The following RFC1 variants were observed in gnomAD, a reference collection of about 807,000 sequenced individuals.
RFC1 encodes A1 140 kDa subunit.
RFC1 carries 37 observed loss-of-function variants against 137.4 expected under a neutral mutation model. The observed-to-expected ratio is 0.27, with a 90% confidence interval of 0.21 to 0.35. The LOEUF is 0.35. Ranked by LOEUF, RFC1 falls within the 10% of genes least tolerant of loss-of-function variation. RFC1 has a pLI of 1.00. For synonymous variants in RFC1, 429 were observed against 455.7 expected (o/e 0.94, Z 0.75); for missense variants, 1,205 against 1,358.5 (o/e 0.89, Z 1.78).
At position 39,339,843 on chromosome 4, in the gene RFC1, A is replaced by G. The variant is rs903270596; in HGVS notation, c.331+2502T>C. ...ATACGAGACCACACAAATCCATAAC[A>G]TAAGTGGGCCAAATATCATTTCCAA... On this transcript the variant is annotated intron_variant, in intron 4 of 24. Transcript: ENST00000349703. 7.9e-5 allele frequency among the ~76,000 whole-genome samples: 12 copies of G among 152,360 alleles called. No homozygotes were observed. In the South Asian group the frequency reaches 2.1e-3, roughly 26 times the overall value.
chr4:39,312,611 T>C (rs983515704), intron 11 of RFC1, 141 bp downstream of exon 11: 2 of 791,064 alleles, frequency 2.5e-6, no homozygotes, highest in Admixed American at 2.8e-5. Context: ...ATAACACTTC[T>C]GTGGAGAAGA....
chr4:39,297,656 T>A (rs895860910), intron 21 of RFC1: 2 of 152,416 alleles, frequency 1.3e-5, no homozygotes, highest in African/African-American at 2.4e-5. Context: ...ACAGGGGCCA[T>A]GCTAATCTTC....
chr4:39,292,656 T>G (rs201022944), intron 22 of RFC1, among the ~76,000 whole-genome samples: 1 of 137,730 alleles, frequency 7.3e-6, no homozygotes, highest in Non-Finnish European at 1.6e-5. Context: ...ATTTATTTAT[T>G]TAAAGACGAA....
intron 1 of RFC1, among the ~76,000 whole-genome samples, chr4:39,362,012 A>G (rs555668653): frequency 5.3e-5 from 8 of 152,296 alleles, no homozygotes; most frequent in African/African-American, 1.9e-4. Context: ...GCACCCCAGC[A>G]TGGGCAACAG....
chr4:39,322,145 G>A (rs1739550949), intron 7 of RFC1: 2 of 152,130 alleles, frequency 1.3e-5, no homozygotes, highest in Admixed American at 1.3e-4. Context: ...AAGTCTTGAT[G>A]TTTTAAAGAT....
At chr4:39,295,844 G>A (rs1005714045) in intron 21 of RFC1, 85 bp from the exon 22 acceptor site, 37 of 1,311,228 alleles carry the variant, frequency 2.8e-5, no homozygotes, top group African/African-American at 1.5e-4. Flanking sequence ...AACAGTCTAC[G>A]GAAGATAAAG....
At chr4:39,289,225 C>T (rs772953564) in intron 24 of RFC1, among the ~76,000 whole-genome samples, 35 of 152,116 alleles carry the variant, frequency 2.3e-4, no homozygotes, top group Non-Finnish European at 4.6e-4. Flanking sequence ...GAGGTGTAAA[C>T]AGTCATTTTG....
In RFC1 at chr4:39,321,387, TA is replaced by T; in HGVS notation, c.721-14del. ...TGTCCTTTCGAGCCTAAACAAATTT[TA>T]AAAGTGTCAAATGTGACAAATAATA... On this transcript the variant is annotated splice_polypyrimidine_tract_variant and intron_variant, in intron 7 of 24. Coordinates refer to ENST00000349703, the MANE Select transcript of RFC1 (RefSeq NM_002913.5). The T allele has an allele frequency of 6.2e-7, 1 of 1,608,824 alleles. No homozygotes were observed. Among genetic ancestry groups the T allele is most frequent in the Non-Finnish European group, 8.5e-7 (1 of 1,176,612 alleles).
intron 23 of RFC1, among the ~76,000 whole-genome samples, chr4:39,291,165 TAAGAA>T (rs1454074343): frequency 6.6e-6 from 1 of 152,178 alleles, no homozygotes; most frequent in Non-Finnish European, 1.5e-5. Flanking sequence ...CGTCTCATTA[TAAGAA>T]AAGTGGGGAT....
chr4:39,349,406 C>G (rs905229581), intron 2 of RFC1, among the ~76,000 whole-genome samples: 1 of 152,148 alleles, frequency 6.6e-6, no homozygotes, highest in Non-Finnish European at 1.5e-5. Flanking sequence ...GATTAGCATT[C>G]TATAAGAACA....
chr4:39,319,056 C>T (rs997188406), intron 9 of RFC1, among the ~76,000 whole-genome samples: 2 of 152,092 alleles, frequency 1.3e-5, no homozygotes, highest in African/African-American at 2.4e-5. Flanking sequence ...ATTTCAGTAT[C>T]GCAACACTGT....
Position 39,291,664 on chromosome 4 carries a change from C to G in RFC1, c.3143G>C (p.Ser1048Thr), listed in dbSNP as rs997813421. 18 of 1,613,766 alleles carry G rather than the reference C, an allele frequency of 1.1e-5. No homozygotes were observed. The highest frequency in any genetic ancestry group is 1.6e-4 in the Middle Eastern group (1 of 6,082). The change falls in exon 23 of 25, where the codon AGT (serine) becomes ACT (threonine). Residue 1048 changes from serine to threonine, a missense_variant. This residue lies in a region of RFC1 where 237 missense variants were observed against 304.2 expected (regional missense o/e 0.78). Coordinates refer to ENST00000349703, the MANE Select transcript of RFC1 (RefSeq NM_002913.5). ...MEISSWGGKP[S>T]PFSKLDPKVK... The stretch of plus-strand genomic sequence containing the variant: ...CTTGGGATCCAGCTTTGAAAAGGGA[C>G]TAGGTTTGCCACCCCAGCTGCTGAT...
intron 1 of RFC1, chr4:39,356,017 A>AC (rs386399845): frequency 1.3e-5 from 2 of 151,268 alleles, no homozygotes; most frequent in Non-Finnish European, 2.9e-5. Flanking sequence ...AAAAAAAAAA[A>AC]ACACTGGTAT....
intron 4 of RFC1, among the ~76,000 whole-genome samples, chr4:39,329,731 T>A (rs1353652782): frequency 6.6e-6 from 1 of 151,908 alleles, no homozygotes; most frequent in Non-Finnish European, 1.5e-5. Context: ...TAAAAAAAAC[T>A]TTTTTAATAC....
chr4:39,337,350 G>A (rs1740403409), intron 4 of RFC1, among the ~76,000 whole-genome samples: 1 of 150,314 alleles, frequency 6.7e-6, no homozygotes, highest in South Asian at 2.1e-4. Flanking sequence ...CTCCAGCCTA[G>A]GCAACAAGAG....
chr4:39,329,347 T>C (rs887561187), intron 4 of RFC1, among the ~76,000 whole-genome samples: 1 of 151,308 alleles, frequency 6.6e-6, no homozygotes, highest in Non-Finnish European at 1.5e-5. Flanking sequence ...CCAAAAAAAA[T>C]TAGCTGGGGA....
chr4:39,349,121 T>C (rs1302375327), intron 2 of RFC1, among the ~76,000 whole-genome samples: 1 of 152,174 alleles, frequency 6.6e-6, no homozygotes, highest in East Asian at 1.9e-4. Context: ...CATATCTGAT[T>C]TGGATGATAT....
At position 39,289,853 on chromosome 4, in the gene RFC1, T is replaced by G; in HGVS notation, c.3355A>C (p.Ile1119Leu). Residue 1119 changes from isoleucine to leucine, a missense_variant, in exon 24 of 25, where the codon ATC (isoleucine) becomes CTC (leucine). By Grantham distance (5) the Ile-to-Leu change is conservative (BLOSUM62 2). Coordinates refer to ENST00000349703, the MANE Select transcript of RFC1 (RefSeq NM_002913.5). ...TCTGTGGCTTAAAATACTACCTTGA[T>G]CATGGCATCAGTTTCTATAGCATCT... ...DQDAIETDAM[I>L]KKKTKSSKPS... The G allele has an allele frequency of 6.2e-7, 1 of 1,607,942 alleles. No homozygotes were observed. Among genetic ancestry groups the G allele is most frequent in the Non-Finnish European group, 8.5e-7 (1 of 1,174,356 alleles).
chr4:39,316,864 C>G (rs1192807958), intron 10 of RFC1, 51 bp downstream of exon 10: 1 of 1,064,212 alleles, frequency 9.4e-7, no homozygotes, highest in East Asian at 2.4e-5. Flanking sequence ...CATACATGGA[C>G]CCATACGGCA....
Sources: allele counts gnomAD v4.1 joint callset (sites outside exome capture counted in the v4.1 genomes callset), GRCh38; gene constraint gnomAD v4.1.1; regional missense constraint gnomAD v4.1.1; transcripts MANE v1.5; gene names NCBI Gene and HGNC (gene_info 2026-07-23, HGNC 2026-07-21).